The following ADGRL3 variants were observed in gnomAD, a reference collection of about 807,000 sequenced individuals.
ADGRL3 encodes calcium-independent alpha-latrotoxin receptor 3.
A neutral mutation model predicts 153.5 loss-of-function variants in ADGRL3; 62 were observed. The ratio of observed to expected loss-of-function variants is 0.40; its 90% CI spans 0.33 to 0.50. The LOEUF (loss-of-function observed/expected upper bound fraction) is 0.50. Among genes scored for constraint, ADGRL3 ranks in the 20% least tolerant of loss-of-function variants. The pLI is 0.47. For missense variants in ADGRL3, 1,641 were observed against 1,859.4 expected (o/e 0.88, Z 2.16); for synonymous variants, 710 against 672.5 (o/e 1.06, Z -0.86).
Position 61,912,557 on chromosome 4 carries a change from G to A in ADGRL3, c.2074-162G>A, listed in dbSNP as rs1271919942. Among the ~76,000 whole-genome samples, 3 of 152,144 alleles carry A rather than the reference G, an allele frequency of 2.0e-5. No individual in the cohort carries two copies. The East Asian group carries it at 5.8e-4, about 29-fold the overall frequency. On this transcript the variant is annotated intron_variant, in intron 12 of 26. Coordinates refer to ENST00000683033, the MANE Select transcript of ADGRL3 (RefSeq NM_001387552.1). ...GCTACTATTTTTTAAGCCATTGCTT[G>A]CTTACATTTTGCTGCTGCTTAGCTT...
intron 4 of ADGRL3, among the ~76,000 whole-genome samples, chr4:61,566,898 T>C (rs1017622504): frequency 2.6e-5 from 4 of 152,212 alleles, no homozygotes; most frequent in Admixed American, 6.5e-5. Context: ...TCCTAACTTA[T>C]ATAACGTAGA....
At chr4:61,798,932 A>C (rs1192545329) in intron 8 of ADGRL3, among the ~76,000 whole-genome samples, 1 of 148,286 alleles carries the variant, frequency 6.7e-6, no homozygotes, top group Non-Finnish European at 1.5e-5. Context: ...CTTTTCAGAA[A>C]GCTCTTTCTA....
intron 1 of ADGRL3, among the ~76,000 whole-genome samples, chr4:61,312,335 A>G (rs1241644808): frequency 1.3e-5 from 2 of 152,212 alleles, no homozygotes; most frequent in African/African-American, 2.4e-5. Context: ...AAAATAACAT[A>G]TGAGAAAATC....
intron 4 of ADGRL3, among the ~76,000 whole-genome samples, chr4:61,532,008 ATTAC>A (rs1190583569): frequency 1.3e-5 from 2 of 152,196 alleles, no homozygotes; most frequent in Non-Finnish European, 2.9e-5. Context: ...CTCTGAGTAG[ATTAC>A]TTATTTGATA....
At chr4:61,806,630 T>G (rs1242535607) in intron 8 of ADGRL3, among the ~76,000 whole-genome samples, 2 of 152,082 alleles carry the variant, frequency 1.3e-5, no homozygotes, top group Non-Finnish European at 2.9e-5. Flanking sequence ...ATTTGATATT[T>G]AGGCTGCATA....
chr4:62,044,334 A>C, intron 24 of ADGRL3, 119 bp from the exon 25 acceptor site: 1 of 678,758 alleles, frequency 1.5e-6, no homozygotes, highest in East Asian at 2.7e-5. Context: ...GTAGTTGTCT[A>C]TTTGCCAAAT....
At chr4:61,504,973 C>G (rs757658112) in intron 3 of ADGRL3, among the ~76,000 whole-genome samples, 6 of 151,954 alleles carry the variant, frequency 3.9e-5, no homozygotes, top group Middle Eastern at 3.4e-3. Context: ...CCACATATAC[C>G]CAGGAGTGGG....
chr4:62,061,884 T>C (rs9995332), intron 25 of ADGRL3, among the ~76,000 whole-genome samples: 3,905 of 152,126 alleles, frequency 0.026, 182 homozygotes, highest in African/African-American at 0.091. Context: ...TTGGGTTGTT[T>C]CCAGTTTGGA....
chr4:61,604,962 C>G (rs1045776126), intron 5 of ADGRL3, among the ~76,000 whole-genome samples: 3 of 151,622 alleles, frequency 2.0e-5, no homozygotes, highest in Non-Finnish European at 4.4e-5. Context: ...TGGTGGCACA[C>G]CGCTGTAATC....
At chr4:61,663,715 A>T (rs1038596761) in intron 5 of ADGRL3, among the ~76,000 whole-genome samples, 18 of 152,008 alleles carry the variant, frequency 1.2e-4, no homozygotes, top group Admixed American at 7.2e-4. Context: ...ACAATAACAA[A>T]TTTTTTCCCT....
At position 61,483,757 on chromosome 4, in the gene ADGRL3, A is replaced by T. The variant is rs187818921; in HGVS notation, c.-173-13364A>T. On this transcript the variant is annotated intron_variant, in intron 2 of 26. Transcript: ENST00000683033. ...TGTCAAAAAAATAAATAAATAAATT[A>T]TAAAATTTTGAGCTCCAATATTTAG... Among the ~76,000 whole-genome samples the T allele has an allele frequency of 2.6e-3, 401 of 151,984 alleles. 4 individuals carry two copies. Among genetic ancestry groups the T allele is most frequent in the African/African-American group, 9.4e-3 (392 of 41,508 alleles).
At chr4:62,061,711 G>A (rs1490535233) in intron 25 of ADGRL3, among the ~76,000 whole-genome samples, 1 of 152,020 alleles carries the variant, frequency 6.6e-6, no homozygotes. Context: ...GAATTACACA[G>A]TATGTAAACT....
chr4:61,712,615 C>G (rs1375385714), intron 6 of ADGRL3, among the ~76,000 whole-genome samples: 1 of 152,142 alleles, frequency 6.6e-6, no homozygotes. Context: ...ATTCCATTCA[C>G]TTAATTGAAT....
At chr4:61,314,817 G>A (rs1467641567) in intron 1 of ADGRL3, among the ~76,000 whole-genome samples, 1 of 152,108 alleles carries the variant, frequency 6.6e-6, no homozygotes, top group African/African-American at 2.4e-5. Context: ...TAATGCATAG[G>A]ACTGCCTCCC....
chr4:61,593,946 T>G (rs2149434654), intron 5 of ADGRL3, among the ~76,000 whole-genome samples: 1 of 152,248 alleles, frequency 6.6e-6, no homozygotes, highest in South Asian at 2.1e-4. Flanking sequence ...CTCTTAGATG[T>G]GTTCTTTTGA....
chr4:61,379,083 A>G (rs1479704979), intron 1 of ADGRL3, among the ~76,000 whole-genome samples: 1 of 152,030 alleles, frequency 6.6e-6, no homozygotes, highest in African/African-American at 2.4e-5. Context: ...TGAAAAAACA[A>G]TCTGAACACT....
At chr4:61,812,857 G>A (rs2097646451) in intron 8 of ADGRL3, among the ~76,000 whole-genome samples, 1 of 152,092 alleles carries the variant, frequency 6.6e-6, no homozygotes, top group South Asian at 2.1e-4. Flanking sequence ...AAGGAAGACA[G>A]AATTAATCCA....
chr4:61,345,714 C>G (rs1433666746), intron 1 of ADGRL3, among the ~76,000 whole-genome samples: 1 of 152,168 alleles, frequency 6.6e-6, no homozygotes, highest in Non-Finnish European at 1.5e-5. Flanking sequence ...TTCTTTTGTC[C>G]TCTTACAAAA....
chr4:61,910,301 C>T (rs996303187), intron 12 of ADGRL3, among the ~76,000 whole-genome samples: 19 of 151,788 alleles, frequency 1.3e-4, no homozygotes, highest in African/African-American at 4.6e-4. Context: ...TTTGAAATCA[C>T]TCAGATTTTG....
Sources: allele counts gnomAD v4.1 joint callset (sites outside exome capture counted in the v4.1 genomes callset), GRCh38; gene constraint gnomAD v4.1.1; transcripts MANE v1.5; gene names NCBI Gene and HGNC (gene_info 2026-07-23, HGNC 2026-07-21).